The following CD2AP variants were observed in gnomAD, a reference collection of about 807,000 sequenced individuals.
CD2AP encodes the protein CD2 associated protein.
A neutral mutation model predicts 85.1 loss-of-function variants in CD2AP; 46 were observed. The ratio of observed to expected loss-of-function variants is 0.54; its 90% CI spans 0.43 to 0.69. The LOEUF (loss-of-function observed/expected upper bound fraction) is 0.69, where lower values mean the gene tolerates loss of function less well. CD2AP is among the 30% of genes least tolerant of loss of function. The pLI is 0.00. For missense variants in CD2AP, 769 were observed against 729.5 expected (o/e 1.05, Z -0.62); for synonymous variants, 255 against 252.9 (o/e 1.01, Z -0.08).
Position 47,605,976 on chromosome 6 carries a change from A to AT in CD2AP, c.1418-178dup, listed in dbSNP as rs201291952. Among the ~76,000 whole-genome samples the AT allele has an allele frequency of 1.3e-3, 191 of 148,576 alleles. 1 individual carries two copies. In the East Asian group the frequency reaches 0.022, roughly 17 times the overall value. ...AATATAAATGTATCAGGTAAAGAGG[A>AT]TTTTTTTTTTTCTTTTAAGGGCGAG... On this transcript the variant is annotated intron_variant, in intron 13 of 17. Coordinates refer to ENST00000359314, the MANE Select transcript of CD2AP (RefSeq NM_012120.3).
rs185411455 is a variant in CD2AP at position 47,531,902 on chromosome 6, G to A, written c.166-1700G>A. Among the ~76,000 whole-genome samples, 1,352 of 151,858 alleles carry A rather than the reference G, an allele frequency of 8.9e-3. 12 individuals are homozygous for A. The highest frequency in any genetic ancestry group is 0.014 in the Non-Finnish European group (972 of 67,928). On this transcript the variant is annotated intron_variant, in intron 2 of 17. Coordinates refer to ENST00000359314, the MANE Select transcript of CD2AP (RefSeq NM_012120.3). ...AGCCTGGCCAACATGGTGAAACTCC[G>A]TCTCTACTAAAAATACAAAAATTAG...
intron 2 of CD2AP, among the ~76,000 whole-genome samples, chr6:47,519,662 T>A (rs1348505385): frequency 6.6e-6 from 1 of 152,210 alleles, no homozygotes; most frequent in Non-Finnish European, 1.5e-5. Flanking sequence ...ATAGTGGAAT[T>A]TATTATCTCA....
intron 5 of CD2AP, among the ~76,000 whole-genome samples, chr6:47,556,066 T>A (rs973552767): frequency 6.6e-6 from 1 of 151,660 alleles, no homozygotes; most frequent in Admixed American, 6.6e-5. Context: ...TTTTTTTTTT[T>A]TTTTTAATTA....
intron 16 of CD2AP, among the ~76,000 whole-genome samples, chr6:47,610,965 ATATGTAT>A (rs1346082525): frequency 2.1e-5 from 2 of 94,304 alleles, no homozygotes; most frequent in South Asian, 3.7e-4. Context: ...ATATATATAT[ATATGTAT>A]TTTTTTTTTT....
At chr6:47,549,754 C>G (rs1442997610) in intron 4 of CD2AP, among the ~76,000 whole-genome samples, 1 of 152,064 alleles carries the variant, frequency 6.6e-6, no homozygotes, top group Non-Finnish European at 1.5e-5. Flanking sequence ...ATAGCCAAAG[C>G]AGGACTAAGC....
chr6:47,529,270 G>A (rs569776732), intron 2 of CD2AP, among the ~76,000 whole-genome samples: 4 of 133,172 alleles, frequency 3.0e-5, no homozygotes, highest in East Asian at 2.4e-4. Flanking sequence ...GTTCAGTGTC[G>A]TTTTGTTGTA....
intron 4 of CD2AP, among the ~76,000 whole-genome samples, chr6:47,546,294 A>G (rs1002046101): frequency 6.6e-6 from 1 of 152,146 alleles, no homozygotes; most frequent in Non-Finnish European, 1.5e-5. Flanking sequence ...AATTAACCCA[A>G]TCCAACAAAG....
At chr6:47,583,808 G>T (rs1214803658) in intron 11 of CD2AP, among the ~76,000 whole-genome samples, 1 of 152,168 alleles carries the variant, frequency 6.6e-6, no homozygotes, top group Non-Finnish European at 1.5e-5. Context: ...AATATGGCAA[G>T]AGTATATTGA....
intron 3 of CD2AP, among the ~76,000 whole-genome samples, chr6:47,544,227 C>T (rs528237271): frequency 4.4e-4 from 67 of 152,272 alleles, no homozygotes; most frequent in African/African-American, 1.6e-3. Flanking sequence ...AAGTAGTATT[C>T]CCAGACTTGA....
intron 11 of CD2AP, among the ~76,000 whole-genome samples, chr6:47,585,566 G>A (rs1367197098): frequency 6.6e-6 from 1 of 152,134 alleles, no homozygotes; most frequent in Non-Finnish European, 1.5e-5. Context: ...AACAGACCTC[G>A]ATGTCCTACA....
At chr6:47,499,180 C>A (rs867972242) in intron 1 of CD2AP, among the ~76,000 whole-genome samples, 3 of 152,154 alleles carry the variant, frequency 2.0e-5, no homozygotes, top group Admixed American at 6.5e-5. Context: ...GGCCATTTTC[C>A]TAAAGAGTCC....
At chr6:47,562,903 T>G (rs924361513) in intron 5 of CD2AP, 3 of 682,432 alleles carry the variant, frequency 4.4e-6, no homozygotes, top group Non-Finnish European at 8.1e-6. Context: ...CTCTGTAAAA[T>G]TGACAGAGAG....
intron 3 of CD2AP, among the ~76,000 whole-genome samples, chr6:47,542,889 G>T (rs1374820653): frequency 1.3e-5 from 2 of 151,994 alleles, no homozygotes; most frequent in African/African-American, 4.8e-5. Flanking sequence ...GGTAGCTCAC[G>T]CCTGTAATCC....
chr6:47,544,731 A>T (rs1767321133), intron 4 of CD2AP, 25 bp downstream of exon 4: 1 of 1,314,632 alleles, frequency 7.6e-7, no homozygotes, highest in Admixed American at 1.7e-5. Context: ...TGTTACAGGT[A>T]AAACAGTAAT....
chr6:47,567,608 G>T (rs1768038439), intron 5 of CD2AP, among the ~76,000 whole-genome samples: 1 of 152,136 alleles, frequency 6.6e-6, no homozygotes, highest in Non-Finnish European at 1.5e-5. Flanking sequence ...TCCAGACTTG[G>T]CAAGCTGTGA....
intron 2 of CD2AP, among the ~76,000 whole-genome samples, chr6:47,531,102 G>T (rs918705656): frequency 6.6e-6 from 1 of 151,978 alleles, no homozygotes; most frequent in Non-Finnish European, 1.5e-5. Flanking sequence ...AAAAAAATGT[G>T]TTTTTTGATA....
intron 2 of CD2AP, among the ~76,000 whole-genome samples, chr6:47,527,516 T>C (rs1766761128): frequency 6.6e-6 from 1 of 152,236 alleles, no homozygotes; most frequent in African/African-American, 2.4e-5. Flanking sequence ...CTTTCAGTCC[T>C]TTCCTGAAGG....
At chr6:47,622,961 C>T (rs971641638) in intron 17 of CD2AP, among the ~76,000 whole-genome samples, 1 of 152,182 alleles carries the variant, frequency 6.6e-6, no homozygotes, top group Non-Finnish European at 1.5e-5. Flanking sequence ...ACTCCCTACT[C>T]CCTCTTCTAC....
intron 11 of CD2AP, among the ~76,000 whole-genome samples, 171 bp from the exon 12 acceptor site, chr6:47,595,690 A>G (rs1271960536): frequency 1.3e-5 from 2 of 152,058 alleles, no homozygotes; most frequent in Admixed American, 6.6e-5. Flanking sequence ...GGATTATTAA[A>G]TTAAAATATA....
Sources: gnomAD v4.1 joint callset for allele counts (sites outside exome capture counted in the v4.1 genomes callset) on GRCh38, gnomAD v4.1.1 for gene constraint, MANE v1.5 for transcripts, NCBI Gene and HGNC (gene_info 2026-07-23, HGNC 2026-07-21) for gene names.